The following AGAP1 variants were observed in gnomAD, a reference collection of about 807,000 sequenced individuals.
The protein encoded by AGAP1 is ArfGAP with GTPase domain, ankyrin repeat and PH domain 1.
Under a neutral mutation model 105.3 loss-of-function variants are expected in AGAP1, and 29 were observed. The ratio of observed to expected loss-of-function variants is 0.28; its 90% CI spans 0.21 to 0.38. The LOEUF (loss-of-function observed/expected upper bound fraction) is 0.38. Among genes scored for constraint, AGAP1 ranks in the 10% least tolerant of loss-of-function variants. The pLI is 1.00. For synonymous variants in AGAP1, 509 were observed against 485.9 expected (o/e 1.05, Z -0.63); for missense variants, 998 against 1,165.1 (o/e 0.86, Z 2.09).
chr2:235,876,062 G>C (rs1274731955), intron 9 of AGAP1, among the ~76,000 whole-genome samples: 1 of 152,162 alleles, frequency 6.6e-6, no homozygotes, highest in African/African-American at 2.4e-5. Flanking sequence ...CTTGTTTCCA[G>C]GGTAAGGGGC....
Position 235,719,684 on chromosome 2 carries a change from C to T in AGAP1, c.310+2040C>T, listed in dbSNP as rs2149556909. ...CATCCCCTCCATGGGGCCCCATGCC[C>T]AAGGCTTCCTGGGTCAGGGGAAAGA... On this transcript the variant is annotated intron_variant, in intron 3 of 17. Coordinates refer to ENST00000304032, the MANE Select transcript of AGAP1 (RefSeq NM_001037131.3). The surrounding 1 kb of genome is among the most constrained non-coding windows in gnomAD (Gnocchi z 4.9). Among the ~76,000 whole-genome samples, 1 of 152,304 alleles carries T rather than the reference C, an allele frequency of 6.6e-6. No homozygotes were observed. The highest frequency in any genetic ancestry group is 1.9e-4 in the East Asian group (1 of 5,170).
At chr2:235,809,583 A>G (rs1386232335) in intron 9 of AGAP1, among the ~76,000 whole-genome samples, 1 of 152,202 alleles carries the variant, frequency 6.6e-6, no homozygotes, top group African/African-American at 2.4e-5. Flanking sequence ...GAATTTTTAA[A>G]TGTTAGCAAA....
chr2:235,879,589 G>A lies in AGAP1; in HGVS notation c.1051-3756G>A, dbSNP rs534387479. ...TTCCTAGGATCAAAAGAAAATCAGC[G>A]TAGGCCTGGCACAGTGGCTCACTCC... On this transcript the variant is annotated intron_variant, in intron 9 of 17. Coordinates refer to ENST00000304032, the MANE Select transcript of AGAP1 (RefSeq NM_001037131.3). This position sits in a 1 kb window ranked among gnomAD's most constrained non-coding sequence, Gnocchi z 5.0. Among the ~76,000 whole-genome samples, 10 of 152,174 alleles carry A rather than the reference G, an allele frequency of 6.6e-5. No individual in the cohort carries two copies. The highest frequency in any genetic ancestry group is 1.9e-4 in the East Asian group (1 of 5,170).
intron 1 of AGAP1, among the ~76,000 whole-genome samples, chr2:235,521,539 T>C (rs1011301679): frequency 2.0e-5 from 3 of 152,232 alleles, no homozygotes; most frequent in Admixed American, 6.5e-5. Flanking sequence ...TGGGTACTTA[T>C]ATAACCTCCT....
rs1943760272 is a variant in AGAP1, at chr2:235,550,199, T to A, written c.163+55350T>A. Among the ~76,000 whole-genome samples the A allele has an allele frequency of 6.6e-6, 1 of 152,148 alleles. No individual in the cohort carries two copies. Among genetic ancestry groups the A allele is most frequent in the South Asian group, 2.1e-4 (1 of 4,822 alleles). ...CGTGGCAGTCTTAGCAGGTGGATTATCACCGAGCACACAGGCAGCCCGAGG... is the reference window on the plus strand; with the variant it reads ...CGTGGCAGTCTTAGCAGGTGGATTAACACCGAGCACACAGGCAGCCCGAGG... On this transcript the variant is annotated intron_variant, in intron 1 of 17. Coordinates refer to ENST00000304032, the MANE Select transcript of AGAP1 (RefSeq NM_001037131.3). The surrounding 1 kb of genome is among the most constrained non-coding windows in gnomAD (Gnocchi z 4.6).
chr2:235,566,825 C>T lies in AGAP1; in HGVS notation c.163+71976C>T, dbSNP rs1944361130. ...CCACAAACTAGGTGGCTTAAAACAACAGAACATCATTCTTTTACAGTTCTG... is the reference window on the plus strand; with the variant it reads ...CCACAAACTAGGTGGCTTAAAACAATAGAACATCATTCTTTTACAGTTCTG... On this transcript the variant is annotated intron_variant, in intron 1 of 17. Transcript: ENST00000304032. The surrounding 1 kb of genome is among the most constrained non-coding windows in gnomAD (Gnocchi z 5.2). Among the ~76,000 whole-genome samples the T allele has an allele frequency of 6.6e-6, 1 of 152,220 alleles. No homozygotes were observed.
At chr2:235,795,179 A>G (rs1314510885) in intron 6 of AGAP1, among the ~76,000 whole-genome samples, 2 of 152,078 alleles carry the variant, frequency 1.3e-5, no homozygotes, top group Non-Finnish European at 2.9e-5. Context: ...CTAGGAGATT[A>G]CCCAGCCTGC....
At chr2:235,629,316 G>A (rs866949040) in intron 1 of AGAP1, among the ~76,000 whole-genome samples, 3 of 102,184 alleles carry the variant, frequency 2.9e-5, no homozygotes, top group African/African-American at 1.1e-4. Context: ...GTGTGTGTGT[G>A]TGTATGTGTA....
chr2:235,842,979 G>A lies in AGAP1; in HGVS notation c.1050+35648G>A, dbSNP rs560924538. Among the ~76,000 whole-genome samples, 41 of 152,268 alleles carry A rather than the reference G, an allele frequency of 2.7e-4. No individual in the cohort carries two copies. The highest frequency in any genetic ancestry group is 9.1e-4 in the African/African-American group (38 of 41,550). On this transcript the variant is annotated intron_variant, in intron 9 of 17. Transcript: ENST00000304032. The surrounding 1 kb of genome is among the most constrained non-coding windows in gnomAD (Gnocchi z 5.3). ...TGACCTCAGGTGATCGGCCCGCCTC[G>A]GCCTCCCAAAGTGCTGGAGTTACAG... is the stretch of plus-strand genomic sequence containing the variant.
In AGAP1 at chr2:235,639,403, C is replaced by G. The variant is rs1042319357; in HGVS notation, c.164-69776C>G. ...TGAGAAGTCGGCCTGCGATAGAACC[C>G]GGGGAATCCCAGTGTTTCCAGGGTG... is the stretch of plus-strand genomic sequence containing the variant. On this transcript the variant is annotated intron_variant, in intron 1 of 17. Coordinates refer to ENST00000304032, the MANE Select transcript of AGAP1 (RefSeq NM_001037131.3). This position sits in a 1 kb window ranked among gnomAD's most constrained non-coding sequence, Gnocchi z 5.3. 6.6e-6 allele frequency among the ~76,000 whole-genome samples: 1 copy of G among 152,112 alleles called. No individual in the cohort carries two copies. The highest frequency in any genetic ancestry group is 1.5e-5 in the Non-Finnish European group (1 of 68,012).
At chr2:236,093,188 A>T (rs1156851499) in intron 16 of AGAP1, among the ~76,000 whole-genome samples, 1 of 152,346 alleles carries the variant, frequency 6.6e-6, no homozygotes, top group Non-Finnish European at 1.5e-5. Flanking sequence ...CATCAACTGA[A>T]GCTGCACCCC....
intron 9 of AGAP1, among the ~76,000 whole-genome samples, chr2:235,841,116 C>T (rs1185312675): frequency 2.6e-5 from 4 of 152,064 alleles, no homozygotes; most frequent in Admixed American, 6.5e-5. Flanking sequence ...GCAGAAGCGG[C>T]GGCAGGGCTA....
At chr2:236,103,251 G>A (rs923654696) in intron 16 of AGAP1, among the ~76,000 whole-genome samples, 3 of 152,198 alleles carry the variant, frequency 2.0e-5, no homozygotes, top group Middle Eastern at 3.4e-3. Context: ...TCTCTACACC[G>A]AGGTCACTGG....
chr2:236,063,419 G>A (rs2058261568), intron 16 of AGAP1, among the ~76,000 whole-genome samples: 1 of 152,136 alleles, frequency 6.6e-6, no homozygotes, highest in Admixed American at 6.5e-5. Flanking sequence ...TGTGGGGTGT[G>A]GGAAAGACAA....
chr2:235,819,326 G>C (rs1958647958), intron 9 of AGAP1, among the ~76,000 whole-genome samples: 1 of 151,794 alleles, frequency 6.6e-6, no homozygotes, highest in South Asian at 2.1e-4. Flanking sequence ...TGTTGCCCAG[G>C]CTGGTCTCAA....
intron 1 of AGAP1, among the ~76,000 whole-genome samples, chr2:235,661,195 A>G (rs556526136): frequency 5.3e-5 from 8 of 152,266 alleles, no homozygotes; most frequent in Admixed American, 2.6e-4. Context: ...CTCTTCGGGT[A>G]GTTCAGACAG....
intron 9 of AGAP1, among the ~76,000 whole-genome samples, chr2:235,854,650 G>A (rs949090530): frequency 1.3e-5 from 2 of 152,232 alleles, no homozygotes; most frequent in African/African-American, 4.8e-5. Context: ...ACCAGTGGTG[G>A]ACTTGGGGAT....
chr2:235,562,964 G>A (rs1287981019), intron 1 of AGAP1, among the ~76,000 whole-genome samples: 6 of 152,158 alleles, frequency 3.9e-5, no homozygotes, highest in Non-Finnish European at 7.3e-5. Context: ...GGAGGCTGAG[G>A]CAGGAGAATC....
At chr2:235,495,721 C>T (rs1941288199) in intron 1 of AGAP1, among the ~76,000 whole-genome samples, 1 of 152,218 alleles carries the variant, frequency 6.6e-6, no homozygotes, top group Non-Finnish European at 1.5e-5. Context: ...TCTCTGTTTC[C>T]AGGCTGCTGA....
Sources: allele counts gnomAD v4.1 joint callset (sites outside exome capture counted in the v4.1 genomes callset), GRCh38; gene constraint gnomAD v4.1.1; non-coding constraint Gnocchi (gnomAD v3.1); transcripts MANE v1.5; gene names NCBI Gene and HGNC (gene_info 2026-07-23, HGNC 2026-07-21).